ARL6IP6: variants seen among roughly 807,000 people sequenced by gnomAD.
ARL6IP6 encodes ADP-ribosylation factor-like protein 6-interacting protein 6.
In ARL6IP6, 22 loss-of-function variants were observed where a neutral mutation model predicts 21.5. The observed-to-expected ratio is 1.02, with a 90% CI of 0.73 to 1.46. The LOEUF (loss-of-function observed/expected upper bound fraction) is 1.46, where lower values mean the gene tolerates loss of function less well. Ranked by LOEUF, ARL6IP6 falls within the 40% of genes most tolerant of loss-of-function variation. The probability of loss-of-function intolerance (pLI) is 0.00; values close to 1 mark genes in which losing one functional copy is unlikely to be tolerated. For synonymous variants in ARL6IP6, 164 were observed against 125.3 expected (o/e 1.31, Z -2.06); for missense variants, 388 against 299.8 (o/e 1.29, Z -2.17).
chr2:152,722,918 A>C (rs1442604814), intron 2 of ARL6IP6, among the ~76,000 whole-genome samples: 1 of 152,182 alleles, frequency 6.6e-6, no homozygotes, highest in Non-Finnish European at 1.5e-5. Context: ...AAAACAAAAC[A>C]AAAGATTGAG....
At position 152,738,658 on chromosome 2, in the gene ARL6IP6, G is replaced by A. The variant is rs113019669; in HGVS notation, c.587+3532G>A. On this transcript the variant is annotated intron_variant, in intron 3 of 3. Transcript: ENST00000326446. ...CCTTTTAGCCACGCCTGGGACACAGGGTACCAAGTCCTGAGACTGCACAAA... is the reference window on the plus strand; with the variant it reads ...CCTTTTAGCCACGCCTGGGACACAGAGTACCAAGTCCTGAGACTGCACAAA... 7.1e-3 allele frequency among the ~76,000 whole-genome samples: 1,075 copies of A among 152,210 alleles called. 15 individuals carry two copies. The highest frequency in any genetic ancestry group is 0.024 in the African/African-American group (1,001 of 41,540).
In ARL6IP6 at chr2:152,761,124, C is replaced by T. The variant is rs1471483981; in HGVS notation, c.*1284C>T. ...GGGAAATGAATTTGTGCAGTGTGTT[C>T]CCTTAATTATCTACTGAATGTTGTT... On this transcript the variant is annotated 3_prime_UTR_variant, in exon 4 of 4. Transcript: ENST00000326446. 6.6e-6 allele frequency: 1 copy of T among 152,076 alleles called. No individual in the cohort carries two copies. The highest frequency in any genetic ancestry group is 1.9e-4 in the East Asian group (1 of 5,194). 9.4% of individuals were successfully genotyped at this position (152,076 alleles called of 1,614,324 possible).
chr2:152,720,669 ATACT>A (rs1440624520), intron 2 of ARL6IP6, 83 bp downstream of exon 2: 32 of 1,221,810 alleles, frequency 2.6e-5, no homozygotes, highest in Middle Eastern at 1.9e-4. Context: ...CTGGGATAAA[ATACT>A]TAATGTATTT....
At chr2:152,719,241 G>A (rs1699563549) in intron 1 of ARL6IP6, among the ~76,000 whole-genome samples, 2 of 152,172 alleles carry the variant, frequency 1.3e-5, no homozygotes, top group South Asian at 4.1e-4. Flanking sequence ...TTTTAAAAAG[G>A]ATCGTTTGAT....
At position 152,760,081 on chromosome 2, in the gene ARL6IP6, G is replaced by A. The variant is rs916888229; in HGVS notation, c.*241G>A. The A allele has an allele frequency of 8.8e-6, 3 of 341,534 alleles. No homozygotes were observed. Among genetic ancestry groups the A allele is most frequent in the Admixed American group, 8.9e-5 (2 of 22,390 alleles). The allele number at this position is 341,534 out of a possible 1,614,324, so 21.2% of individuals were successfully genotyped here. ...ATTAAGTACTTTCTTCAGAGTATAA[G>A]ATGTTTACCTCATCTTTTTACTTTT... On this transcript the variant is annotated 3_prime_UTR_variant, in exon 4 of 4. Coordinates refer to ENST00000326446, the MANE Select transcript of ARL6IP6 (RefSeq NM_152522.7).
intron 3 of ARL6IP6, among the ~76,000 whole-genome samples, chr2:152,750,593 C>T (rs1002766315): frequency 1.3e-5 from 2 of 151,960 alleles, no homozygotes; most frequent in Non-Finnish European, 2.9e-5. Flanking sequence ...TCCTGAGAAG[C>T]ATGAAATCTT....
At chr2:152,745,416 A>G (rs1218008407) in intron 3 of ARL6IP6, among the ~76,000 whole-genome samples, 1 of 152,210 alleles carries the variant, frequency 6.6e-6, no homozygotes, top group Non-Finnish European at 1.5e-5. Context: ...GGAAATAAGT[A>G]TATGTGGACA....
upstream of ARL6IP6, chr2:152,718,418 G>T (rs1282516491): frequency 1.6e-6 from 1 of 618,178 alleles, no homozygotes; most frequent in Admixed American, 4.3e-5. Context: ...ACAGCCCTGG[G>T]GTCGAGCTCT....
chr2:152,724,164 A>T (rs1463789759), intron 2 of ARL6IP6, among the ~76,000 whole-genome samples: 1 of 151,784 alleles, frequency 6.6e-6, no homozygotes, highest in Non-Finnish European at 1.5e-5. Flanking sequence ...GATATAATCA[A>T]AATGTTAGTT....
intron 3 of ARL6IP6, among the ~76,000 whole-genome samples, chr2:152,737,619 C>G (rs1479705439): frequency 6.6e-6 from 1 of 152,154 alleles, no homozygotes; most frequent in Non-Finnish European, 1.5e-5. Context: ...AAAGGCACAT[C>G]TTATATGATG....
At chr2:152,747,502 A>G (rs1340027484) in intron 3 of ARL6IP6, among the ~76,000 whole-genome samples, 4 of 151,970 alleles carry the variant, frequency 2.6e-5, no homozygotes, top group South Asian at 2.1e-4. Context: ...CTGCAAAACA[A>G]TCTACTACGT....
chr2:152,728,921 T>C (rs1236828039), intron 2 of ARL6IP6, among the ~76,000 whole-genome samples: 8 of 152,000 alleles, frequency 5.3e-5, no homozygotes, highest in African/African-American at 1.9e-4. Context: ...TAGCTGAATG[T>C]GGTGGTGCAC....
Position 152,731,012 on chromosome 2 carries a change from C to G in ARL6IP6, c.455-3982C>G, listed in dbSNP as rs192868183. On this transcript the variant is annotated intron_variant, in intron 2 of 3. Coordinates refer to ENST00000326446, the MANE Select transcript of ARL6IP6 (RefSeq NM_152522.7). ...CTCACTTGTCGATAAGCCCCTCACT[C>G]TCTCCCTGTTCCACACAAACATTTT... is the stretch of plus-strand genomic sequence containing the variant. Among the ~76,000 whole-genome samples, 37 of 152,312 alleles carry G rather than the reference C, an allele frequency of 2.4e-4. 1 individual carries two copies. The East Asian group carries it at 6.6e-3, about 27-fold the overall frequency.
intron 3 of ARL6IP6, among the ~76,000 whole-genome samples, chr2:152,749,064 C>CATTG (rs1701190974): frequency 6.6e-6 from 1 of 152,102 alleles, no homozygotes. Context: ...TTGCCAAAGT[C>CATTG]ATTGAATTCA....
intron 2 of ARL6IP6, among the ~76,000 whole-genome samples, chr2:152,728,793 G>A (rs1299027900): frequency 6.6e-6 from 1 of 152,136 alleles, no homozygotes; most frequent in Non-Finnish European, 1.5e-5. Context: ...AGACGTGGTG[G>A]CGTCTGACTG....
At chr2:152,748,001 C>T (rs552808569) in intron 3 of ARL6IP6, among the ~76,000 whole-genome samples, 1 of 152,174 alleles carries the variant, frequency 6.6e-6, no homozygotes, top group Non-Finnish European at 1.5e-5. Context: ...GCATCCAGCC[C>T]TACTAATTTC....
At chr2:152,749,278 GA>G (rs1483550545) in intron 3 of ARL6IP6, among the ~76,000 whole-genome samples, 2 of 150,630 alleles carry the variant, frequency 1.3e-5, no homozygotes, top group African/African-American at 4.9e-5. Context: ...CGTTATGTAG[GA>G]AGAGGGTAAT....
At position 152,746,737 on chromosome 2, in the gene ARL6IP6, G is replaced by C. The variant is rs572766210; in HGVS notation, c.587+11611G>C. ...GTTTTCTTTTCTTAAGGTTTTTTGA[G>C]CTGGAAGTCTGACCATGGCCTGCCA... is the stretch of plus-strand genomic sequence containing the variant. On this transcript the variant is annotated intron_variant, in intron 3 of 3. Transcript: ENST00000326446. Among the ~76,000 whole-genome samples, 310 of 151,418 alleles carry C rather than the reference G, an allele frequency of 2.0e-3. 1 individual carries two copies. The highest frequency in any genetic ancestry group is 3.4e-3 in the Middle Eastern group (1 of 290).
Position 152,761,335 on chromosome 2 carries a change from ACTCCCTGCCTTC to A in ARL6IP6, c.*1498_*1509del, listed in dbSNP as rs1701836613. On this transcript the variant is annotated 3_prime_UTR_variant, in exon 4 of 4. Transcript: ENST00000326446. The stretch of plus-strand genomic sequence containing the variant: ...TGGTGGTTGCCATCAGTCTATTTTC[ACTCCCTGCCTTC>A]CTTCCTGCACGCTTAAACTCTTCAC... 6.6e-6 allele frequency: 1 copy of A among 151,052 alleles called. No individual in the cohort carries two copies. The highest frequency in any genetic ancestry group is 1.5e-5 in the Non-Finnish European group (1 of 67,816). 9.4% of individuals were successfully genotyped at this position (151,052 alleles called of 1,614,324 possible).
Sources: allele counts gnomAD v4.1 joint callset (sites outside exome capture counted in the v4.1 genomes callset), GRCh38; gene constraint gnomAD v4.1.1; transcripts MANE v1.5; gene names NCBI Gene and HGNC (gene_info 2026-07-23, HGNC 2026-07-21).